ULK4: variants seen among roughly 807,000 people sequenced by gnomAD.
ULK4 encodes the protein unc-51 like kinase 4.
Under a neutral mutation model 160.6 loss-of-function variants are expected in ULK4, and 133 were observed. The observed-to-expected ratio is 0.83, with a 90% CI of 0.72 to 0.96. The LOEUF is 0.96. ULK4 is among the 40% of genes least tolerant of loss of function. The pLI is 0.00. For synonymous variants in ULK4, 534 were observed against 539.8 expected (o/e 0.99, Z 0.15); for missense variants, 1,580 against 1,499.5 (o/e 1.05, Z -0.89).
Position 41,921,268 on chromosome 3 carries a change from C to T in ULK4, c.542-1450G>A, listed in dbSNP as rs777290973. Among the ~76,000 whole-genome samples the T allele has an allele frequency of 1.6e-3, 250 of 152,148 alleles. 1 individual carries two copies. Among genetic ancestry groups the T allele is most frequent in the Non-Finnish European group, 2.4e-3 (163 of 68,006 alleles). On this transcript the variant is annotated intron_variant, in intron 5 of 36. Transcript: ENST00000301831. Reference sequence around the variant, plus strand: ...CGAAGGCTGCAGTGAACCAAGATCACGCCACTGCTCTCCAGCCTGTGTAAC... The same window carrying T: ...CGAAGGCTGCAGTGAACCAAGATCATGCCACTGCTCTCCAGCCTGTGTAAC...
intron 35 of ULK4, among the ~76,000 whole-genome samples, chr3:41,272,582 T>C (rs1216755188): frequency 7.0e-6 from 1 of 142,158 alleles, no homozygotes; most frequent in Non-Finnish European, 1.5e-5. Flanking sequence ...TACCTTGGTG[T>C]ATTTTTTTTT....
chr3:41,247,023 A>G, intron 36 of ULK4, 31 bp from the exon 37 acceptor site: 1 of 1,607,604 alleles, frequency 6.2e-7, no homozygotes, highest in Non-Finnish European at 8.5e-7. Flanking sequence ...GGTACACTTA[A>G]TAGGCATCTC....
chr3:41,356,436 G>A (rs983803925), intron 35 of ULK4, among the ~76,000 whole-genome samples: 3 of 152,106 alleles, frequency 2.0e-5, no homozygotes, highest in African/African-American at 4.8e-5. Context: ...CACTCACAGA[G>A]GTCTGAGGAT....
At chr3:41,280,868 G>A (rs993515504) in intron 35 of ULK4, among the ~76,000 whole-genome samples, 3 of 152,084 alleles carry the variant, frequency 2.0e-5, no homozygotes, top group Admixed American at 1.3e-4. Context: ...AATGAATCCA[G>A]GAGCTGGTTT....
At chr3:41,642,682 T>G (rs1457326028) in intron 30 of ULK4, among the ~76,000 whole-genome samples, 1 of 152,226 alleles carries the variant, frequency 6.6e-6, no homozygotes, top group Non-Finnish European at 1.5e-5. Context: ...CAGCATGATT[T>G]ATAGTCCTTT....
intron 35 of ULK4, 60 bp downstream of exon 35, chr3:41,398,019 C>T (rs932873463): frequency 1.3e-6 from 2 of 1,532,038 alleles, no homozygotes; most frequent in African/African-American, 2.8e-5. Context: ...TGGCTACTCA[C>T]TGTCCATGTC....
At chr3:41,325,572 A>G (rs531934629) in intron 35 of ULK4, among the ~76,000 whole-genome samples, 150 of 152,302 alleles carry the variant, frequency 9.8e-4, no homozygotes, top group African/African-American at 3.6e-3. Flanking sequence ...AAAGTTTATG[A>G]CACTGAAGAG....
At chr3:41,431,152 A>G (rs1450182233) in intron 34 of ULK4, among the ~76,000 whole-genome samples, 1 of 152,150 alleles carries the variant, frequency 6.6e-6, no homozygotes, top group African/African-American at 2.4e-5. Flanking sequence ...GATGAAGACT[A>G]TTCTGGCCAA....
chr3:41,539,081 G>T (rs1431376870), intron 32 of ULK4, among the ~76,000 whole-genome samples: 1 of 142,022 alleles, frequency 7.0e-6, no homozygotes, highest in African/African-American at 2.6e-5. Context: ...GTTTGTCTGT[G>T]AGTTTTTACA....
intron 32 of ULK4, among the ~76,000 whole-genome samples, chr3:41,535,192 G>A (rs922172570): frequency 6.6e-6 from 1 of 152,032 alleles, no homozygotes; most frequent in Admixed American, 6.5e-5. Context: ...TTTCTTCCAG[G>A]GTGTTCACAC....
chr3:41,671,664 G>A (rs963091892), intron 29 of ULK4, among the ~76,000 whole-genome samples: 1 of 152,032 alleles, frequency 6.6e-6, no homozygotes, highest in African/African-American at 2.4e-5. Context: ...GGTCTAGGGA[G>A]AGATTTTATA....
intron 35 of ULK4, among the ~76,000 whole-genome samples, chr3:41,321,057 A>G (rs910113689): frequency 1.3e-5 from 2 of 151,784 alleles, no homozygotes; most frequent in Non-Finnish European, 2.9e-5. Flanking sequence ...CTTAATTGCC[A>G]GGCCTCTCTG....
In ULK4 at chr3:41,566,169, ATACAAT is replaced by A. The variant is rs1430104030; in HGVS notation, c.3121-45_3121-40del. 5 of 1,518,944 alleles carry A rather than the reference ATACAAT, an allele frequency of 3.3e-6. No homozygotes were observed. The African/African-American group carries it at 5.5e-5, about 17-fold the overall frequency. The allele number at this position is 1,518,944 out of a possible 1,614,324, so 94.1% of individuals were successfully genotyped here. A position where few individuals can be genotyped will look rare whatever the true frequency, so the allele number is the denominator to read the frequency against. The stretch of plus-strand genomic sequence containing the variant: ...TAATTTCCATCATAACCATACAGAA[ATACAAT>A]TACATCATCGTAAAGACAAATAAGC... On this transcript the variant is annotated intron_variant, in intron 31 of 36. Coordinates refer to ENST00000301831, the MANE Select transcript of ULK4 (RefSeq NM_017886.4).
chr3:41,589,677 C>T (rs1379398770), intron 31 of ULK4, among the ~76,000 whole-genome samples: 1 of 151,978 alleles, frequency 6.6e-6, no homozygotes, highest in Non-Finnish European at 1.5e-5. Context: ...TTAAAGCAAA[C>T]CCCTAAAAAG....
At chr3:41,729,287 T>C (rs774283501) in intron 22 of ULK4, among the ~76,000 whole-genome samples, 1 of 152,188 alleles carries the variant, frequency 6.6e-6, no homozygotes, top group Non-Finnish European at 1.5e-5. Context: ...CCCACGAATG[T>C]CATGAAAACC....
chr3:41,668,227 A>G (rs944732292), intron 29 of ULK4, among the ~76,000 whole-genome samples: 1 of 152,192 alleles, frequency 6.6e-6, no homozygotes, highest in African/African-American at 2.4e-5. Context: ...AGCAAACTTT[A>G]GGGTTTGAGG....
intron 35 of ULK4, among the ~76,000 whole-genome samples, chr3:41,348,206 C>CAAAAAAAAAAAA (rs1197234650): frequency 2.6e-4 from 6 of 22,964 alleles, no homozygotes; most frequent in African/African-American, 1.0e-3. Context: ...AACTCTGTCT[C>CAAAAAAAAAAAA]AAAAAAAAAA....
At chr3:41,745,502 T>C (rs1161310984) in intron 22 of ULK4, among the ~76,000 whole-genome samples, 2 of 151,744 alleles carry the variant, frequency 1.3e-5, no homozygotes, top group African/African-American at 4.9e-5. Context: ...ATTGAATTTG[T>C]AATTTAAAAG....
intron 32 of ULK4, among the ~76,000 whole-genome samples, chr3:41,501,805 C>T (rs1006668253): frequency 3.3e-5 from 5 of 152,062 alleles, no homozygotes; most frequent in Non-Finnish European, 7.4e-5. Context: ...ACTAATATGT[C>T]CCCAATTATC....
Sources: gnomAD v4.1 joint callset for allele counts (sites outside exome capture counted in the v4.1 genomes callset) on GRCh38, gnomAD v4.1.1 for gene constraint, MANE v1.5 for transcripts, NCBI Gene and HGNC (gene_info 2026-07-23, HGNC 2026-07-21) for gene names.